Variants in NEMP1 observed in about 807,000 individuals in gnomAD.
NEMP1 encodes transmembrane protein 194.
NEMP1 carries 29 observed loss-of-function variants against 53.7 expected under a neutral mutation model. The observed-to-expected ratio is 0.54, with a 90% CI of 0.40 to 0.74. The LOEUF (loss-of-function observed/expected upper bound fraction) is 0.74. Ranked by LOEUF, NEMP1 falls within the 30% of genes least tolerant of loss-of-function variation. The pLI is 0.00. For missense variants in NEMP1, 477 were observed against 528.6 expected (o/e 0.90, Z 0.96); for synonymous variants, 193 against 192.9 (o/e 1.00, Z 0.00).
chr12:57,077,690 A>C (rs2032699002), intron 1 of NEMP1, among the ~76,000 whole-genome samples: 1 of 152,218 alleles, frequency 6.6e-6, no homozygotes, highest in African/African-American at 2.4e-5. Context: ...AGATCAGAAG[A>C]AAGTGTGCTA....
At chr12:57,077,337 A>T (rs932040609) in intron 1 of NEMP1, among the ~76,000 whole-genome samples, 1 of 151,706 alleles carries the variant, frequency 6.6e-6, no homozygotes, top group Non-Finnish European at 1.5e-5. Flanking sequence ...GTTTAAAAAA[A>T]AAAAAAAAAA....
At chr12:57,075,152 C>T (rs544941381) in intron 1 of NEMP1, among the ~76,000 whole-genome samples, 13 of 150,460 alleles carry the variant, frequency 8.6e-5, no homozygotes, top group South Asian at 8.4e-4. Context: ...TTTGGGAGGC[C>T]GAGGCAGGTG....
chr12:57,073,024 G>C, intron 1 of NEMP1, 112 bp from the exon 2 acceptor site: 1 of 900,616 alleles, frequency 1.1e-6, no homozygotes, highest in Non-Finnish European at 1.6e-6. Flanking sequence ...TAAAACATTA[G>C]CCAGACTGAG....
intron 1 of NEMP1, among the ~76,000 whole-genome samples, chr12:57,075,490 A>G (rs1052038813): frequency 3.4e-5 from 5 of 148,380 alleles, no homozygotes; most frequent in Non-Finnish European, 7.4e-5. Flanking sequence ...GCAAGACTCC[A>G]TCTCAATATC....
At chr12:57,075,531 TAAA>T (rs2032568856) in intron 1 of NEMP1, among the ~76,000 whole-genome samples, 1 of 150,074 alleles carries the variant, frequency 6.7e-6, no homozygotes, top group African/African-American at 2.4e-5. Flanking sequence ...AATAAATAAA[TAAA>T]TAGTTGGGCC....
intron 1 of NEMP1, among the ~76,000 whole-genome samples, chr12:57,086,211 GTC>G (rs1250488404): frequency 2.0e-5 from 3 of 152,194 alleles, no homozygotes; most frequent in Non-Finnish European, 4.4e-5. Context: ...AGGGACGACA[GTC>G]TCTGCACTCC....
intron 3 of NEMP1, among the ~76,000 whole-genome samples, chr12:57,069,556 C>G (rs1422748852): frequency 6.6e-6 from 1 of 152,094 alleles, no homozygotes; most frequent in East Asian, 1.9e-4. Flanking sequence ...AAAAGAAACT[C>G]AAGCTTCGTT....
At position 57,058,532 on chromosome 12, in the gene NEMP1, T is replaced by C. The variant is rs868518596; in HGVS notation, c.*1347A>G. On this transcript the variant is annotated 3_prime_UTR_variant, in exon 9 of 9. Coordinates refer to ENST00000300128, the MANE Select transcript of NEMP1 (RefSeq NM_001130963.2). The stretch of plus-strand genomic sequence containing the variant: ...GCTTCCTCACAGATGACATTGCTGG[T>C]TTATAAGGGGTACTTTGCAATGGCA... The C allele has an allele frequency of 4.6e-5, 7 of 152,228 alleles. No individual in the cohort carries two copies. The highest frequency in any genetic ancestry group is 2.0e-4 in the Admixed American group (3 of 15,296). 9.4% of individuals were successfully genotyped at this position (152,228 alleles called of 1,614,324 possible).
chr12:57,064,982 T>C (rs994690961), intron 4 of NEMP1, among the ~76,000 whole-genome samples: 2 of 152,246 alleles, frequency 1.3e-5, no homozygotes. Context: ...TACACTATAT[T>C]ATAGTATATT....
At chr12:57,073,301 G>A (rs1430497020) in intron 1 of NEMP1, among the ~76,000 whole-genome samples, 3 of 151,722 alleles carry the variant, frequency 2.0e-5, no homozygotes, top group Admixed American at 6.6e-5. Context: ...ACAGGCGCCC[G>A]CCACCGTGCC....
At chr12:57,083,247 T>C (rs1386843956), upstream of NEMP1, among the ~76,000 whole-genome samples, 1 of 152,186 alleles carries the variant, frequency 6.6e-6, no homozygotes, top group Non-Finnish European at 1.5e-5. Flanking sequence ...ATAAATGAAG[T>C]GTATGGTAAT....
chr12:57,078,373 C>G (rs1003962092), intron 1 of NEMP1, among the ~76,000 whole-genome samples: 5 of 152,094 alleles, frequency 3.3e-5, no homozygotes, highest in African/African-American at 1.2e-4. Flanking sequence ...GCCTCCCTTC[C>G]TGTCTCCGCC....
intron 1 of NEMP1, among the ~76,000 whole-genome samples, chr12:57,085,647 G>A (rs1383556240): frequency 2.0e-5 from 3 of 152,034 alleles, no homozygotes; most frequent in Non-Finnish European, 4.4e-5. Context: ...GTTACTGAAA[G>A]AGAAAAAAGG....
At chr12:57,069,718 T>C (rs2032260378) in intron 3 of NEMP1, among the ~76,000 whole-genome samples, 1 of 151,740 alleles carries the variant, frequency 6.6e-6, no homozygotes, top group African/African-American at 2.4e-5. Context: ...TGTTGTTCTC[T>C]AACTGGCTGC....
chr12:57,084,565 C>G (rs1045293128), intron 1 of NEMP1, among the ~76,000 whole-genome samples: 4 of 152,156 alleles, frequency 2.6e-5, no homozygotes, highest in African/African-American at 9.7e-5. Context: ...TCAAGCTGAC[C>G]TTCCTACTGT....
intron 7 of NEMP1, among the ~76,000 whole-genome samples, chr12:57,061,703 A>AC (rs1565656501): frequency 6.7e-5 from 10 of 149,892 alleles, no homozygotes; most frequent in Non-Finnish European, 1.5e-4. Context: ...CAAAAAAAAA[A>AC]AAAAACAAAA....
intron 3 of NEMP1, among the ~76,000 whole-genome samples, chr12:57,070,415 T>C (rs1157742046): frequency 6.6e-6 from 1 of 152,178 alleles, no homozygotes; most frequent in African/African-American, 2.4e-5. Flanking sequence ...CACAATGTAA[T>C]TGGGAATAAA....
Position 57,056,172 on chromosome 12 carries a change from CTTTG to C in NEMP1, c.*3703_*3706del, listed in dbSNP as rs373414371. The C allele has an allele frequency of 2.0e-5, 3 of 152,184 alleles. No homozygotes were observed. The highest frequency in any genetic ancestry group is 2.9e-5 in the Non-Finnish European group (2 of 68,032). The allele number at this position is 152,184 out of a possible 1,614,324, so 9.4% of individuals were successfully genotyped here. On this transcript the variant is annotated 3_prime_UTR_variant, in exon 9 of 9. Coordinates refer to ENST00000300128, the MANE Select transcript of NEMP1 (RefSeq NM_001130963.2). ...ACGAGTTGGTGTTGGCATGAATCTG[CTTTG>C]TTTATTCCCAGCAGGCTCTGGCTCG...
intron 4 of NEMP1, 27 bp from the exon 5 acceptor site, chr12:57,064,766 C>A: frequency 1.3e-6 from 2 of 1,539,486 alleles, no homozygotes; most frequent in East Asian, 2.3e-5. Flanking sequence ...TATTTCATGA[C>A]CATATGTATA....
Sources: allele counts gnomAD v4.1 joint callset (sites outside exome capture counted in the v4.1 genomes callset), GRCh38; gene constraint gnomAD v4.1.1; transcripts MANE v1.5; gene names NCBI Gene and HGNC (gene_info 2026-07-23, HGNC 2026-07-21).